MMS22L: variants seen among roughly 807,000 people sequenced by gnomAD.
MMS22L encodes the protein protein MMS22-like.
In MMS22L, 74 loss-of-function variants were observed where a neutral mutation model predicts 159.1. The observed-to-expected ratio is 0.47, with a 90% confidence interval of 0.39 to 0.56. The LOEUF (loss-of-function observed/expected upper bound fraction) is 0.56, where lower values mean the gene tolerates loss of function less well. Among genes scored for constraint, MMS22L ranks in the 20% least tolerant of loss-of-function variants. The pLI, the probability that MMS22L is intolerant of heterozygous loss-of-function variation, is 0.00. For synonymous variants in MMS22L, 517 were observed against 506.9 expected (o/e 1.02, Z -0.27); for missense variants, 1,351 against 1,422.1 (o/e 0.95, Z 0.80).
At chr6:97,246,909 G>GT (rs1001347122) in intron 10 of MMS22L, among the ~76,000 whole-genome samples, 3 of 151,778 alleles carry the variant, frequency 2.0e-5, no homozygotes, top group Admixed American at 2.0e-4. Context: ...ATCAGGAGTT[G>GT]TAACAGTGGT....
chr6:97,199,052 GC>G (rs781516703), intron 14 of MMS22L, among the ~76,000 whole-genome samples: 5 of 152,068 alleles, frequency 3.3e-5, no homozygotes, highest in African/African-American at 4.8e-5. Context: ...CACCATCCCA[GC>G]AGTCTTTTTC....
chr6:97,227,227 G>T (rs145330248), intron 14 of MMS22L, among the ~76,000 whole-genome samples: 3 of 152,030 alleles, frequency 2.0e-5, no homozygotes, highest in Admixed American at 1.3e-4. Context: ...GAATTAAAAA[G>T]GACTTATCTA....
At chr6:97,219,085 T>C (rs1324476295) in intron 14 of MMS22L, among the ~76,000 whole-genome samples, 1 of 152,120 alleles carries the variant, frequency 6.6e-6, no homozygotes, top group Non-Finnish European at 1.5e-5. Context: ...ATCACCTCTG[T>C]CCATTGACAC....
At chr6:97,273,230 A>G (rs1815931880) in intron 4 of MMS22L, 168 bp from the exon 5 acceptor site, 2 of 606,582 alleles carry the variant, frequency 3.3e-6, no homozygotes, top group African/African-American at 3.7e-5. Flanking sequence ...TGCTCTTATT[A>G]AAGTCACCAA....
chr6:97,155,262 T>C (rs920632634), intron 22 of MMS22L, among the ~76,000 whole-genome samples: 1 of 152,220 alleles, frequency 6.6e-6, no homozygotes. Context: ...TAATCTCCTT[T>C]ACTGTTTTCT....
At chr6:97,172,328 C>T (rs1175273374) in intron 19 of MMS22L, among the ~76,000 whole-genome samples, 2 of 151,668 alleles carry the variant, frequency 1.3e-5, no homozygotes, top group African/African-American at 2.4e-5. Flanking sequence ...TCAGACAACC[C>T]GAATCAGGCT....
At chr6:97,151,726 T>C in intron 23 of MMS22L, 45 bp downstream of exon 23, 1 of 1,451,460 alleles carries the variant, frequency 6.9e-7, no homozygotes, top group Non-Finnish European at 9.7e-7. Flanking sequence ...GGCTGTCAAA[T>C]GGCTGGCAAT....
chr6:97,252,553 G>A (rs1428588403), intron 10 of MMS22L, among the ~76,000 whole-genome samples: 1 of 151,392 alleles, frequency 6.6e-6, no homozygotes, highest in African/African-American at 2.4e-5. Flanking sequence ...GCTGAGGCAG[G>A]AGAATCACCT....
intron 14 of MMS22L, among the ~76,000 whole-genome samples, chr6:97,211,609 G>A (rs1307145954): frequency 6.6e-6 from 1 of 152,066 alleles, no homozygotes; most frequent in Non-Finnish European, 1.5e-5. Flanking sequence ...AATGCACAAA[G>A]CAATACTACA....
chr6:97,214,339 A>G (rs1031908022), intron 14 of MMS22L, among the ~76,000 whole-genome samples: 60 of 152,346 alleles, frequency 3.9e-4, no homozygotes, highest in African/African-American at 1.3e-3. Context: ...ATATTATGGT[A>G]TATCTACACA....
Position 97,165,317 on chromosome 6 carries a change from C to T in MMS22L, c.3150G>A (p.Leu1050=). 6.2e-7 allele frequency: 1 copy of T among 1,613,316 alleles called. No homozygotes were observed. The highest frequency in any genetic ancestry group is 8.5e-7 in the Non-Finnish European group (1 of 1,179,622). ...TAGTGGCTGTGTTTCTCAATGCCAGCAAAACAGGATGTTGTCCAAGATCTG... is the reference window on the plus strand; with the variant it reads ...TAGTGGCTGTGTTTCTCAATGCCAGTAAAACAGGATGTTGTCCAAGATCTG... ...YVSDLGQHPV[L]LALRNTATIP... is the part of the protein sequence containing the mutation. The change falls in exon 21 of 25, where the codon TTG becomes TTA. Residue 1050 remains leucine, a synonymous_variant. Transcript: ENST00000683635.
At chr6:97,256,882 G>A (rs1365438500) in intron 9 of MMS22L, among the ~76,000 whole-genome samples, 7 of 152,150 alleles carry the variant, frequency 4.6e-5, no homozygotes, top group Non-Finnish European at 1.0e-4. Context: ...AACAGGTTGA[G>A]GCTGCAGTGA....
chr6:97,247,321 G>A (rs1812766572), intron 10 of MMS22L, among the ~76,000 whole-genome samples: 1 of 152,118 alleles, frequency 6.6e-6, no homozygotes, highest in Non-Finnish European at 1.5e-5. Flanking sequence ...TTAATATTCA[G>A]TTCTTAAAGT....
At chr6:97,148,464 C>G (rs1801021961) in intron 24 of MMS22L, among the ~76,000 whole-genome samples, 1 of 151,966 alleles carries the variant, frequency 6.6e-6, no homozygotes, top group African/African-American at 2.4e-5. Context: ...GAAGACCTTC[C>G]AGTGAAGTAA....
At chr6:97,149,483 G>A (rs895950862) in intron 24 of MMS22L, among the ~76,000 whole-genome samples, 1 of 152,002 alleles carries the variant, frequency 6.6e-6, no homozygotes, top group Non-Finnish European at 1.5e-5. Flanking sequence ...TCCCTCAAAC[G>A]GTTATGATTT....
At chr6:97,266,216 G>T (rs1815099611) in intron 8 of MMS22L, 1 of 152,298 alleles carries the variant, frequency 6.6e-6, no homozygotes, top group Admixed American at 6.5e-5. Flanking sequence ...GCACAGTTTG[G>T]TGAGAATGTA....
intron 4 of MMS22L, among the ~76,000 whole-genome samples, chr6:97,273,821 A>T (rs1815993544): frequency 6.6e-6 from 1 of 152,168 alleles, no homozygotes; most frequent in African/African-American, 2.4e-5. Context: ...CCACCACAAT[A>T]GCACTCTTCA....
chr6:97,197,291 G>A (rs138245149), intron 14 of MMS22L, among the ~76,000 whole-genome samples: 74 of 152,216 alleles, frequency 4.9e-4, no homozygotes, highest in African/African-American at 1.7e-3. Context: ...TTCAGTTAGG[G>A]CTCCCATTTC....
intron 12 of MMS22L, among the ~76,000 whole-genome samples, chr6:97,232,785 A>C (rs1371958817): frequency 6.6e-6 from 1 of 152,114 alleles, no homozygotes; most frequent in Non-Finnish European, 1.5e-5. Context: ...CATTATCCAC[A>C]AATCCAAACA....
Sources: gnomAD v4.1 joint callset for allele counts (sites outside exome capture counted in the v4.1 genomes callset) on GRCh38, gnomAD v4.1.1 for gene constraint, MANE v1.5 for transcripts, NCBI Gene and HGNC (gene_info 2026-07-23, HGNC 2026-07-21) for gene names.